TBC1D5: variants seen among roughly 807,000 people sequenced by gnomAD.
The protein encoded by TBC1D5 is TBC1 domain family, member 5.
In TBC1D5, 75 loss-of-function variants were observed where a neutral mutation model predicts 100.3. The observed-to-expected ratio is 0.75, with a 90% CI of 0.62 to 0.91. The LOEUF (loss-of-function observed/expected upper bound fraction) is 0.91, where lower values mean the gene tolerates loss of function less well. TBC1D5 is among the 40% of genes least tolerant of loss of function. The pLI is 0.00. For missense variants in TBC1D5, 910 were observed against 942.4 expected (o/e 0.97, Z 0.45); for synonymous variants, 323 against 325.6 (o/e 0.99, Z 0.09).
At chr3:17,444,016 C>T (rs1413657495) in intron 3 of TBC1D5, among the ~76,000 whole-genome samples, 1 of 152,068 alleles carries the variant, frequency 6.6e-6, no homozygotes, top group Non-Finnish European at 1.5e-5. Flanking sequence ...ATCTAATTAT[C>T]TTCTCATGAG....
chr3:17,307,856 T>G, intron 14 of TBC1D5, 136 bp downstream of exon 14: 1 of 1,080,328 alleles, frequency 9.3e-7, no homozygotes, highest in Non-Finnish European at 1.3e-6. Flanking sequence ...CCTTTGAAAT[T>G]TCAGTATATT....
At chr3:17,394,678 G>A (rs757713718) in intron 8 of TBC1D5, among the ~76,000 whole-genome samples, 1 of 152,042 alleles carries the variant, frequency 6.6e-6, no homozygotes, top group Non-Finnish European at 1.5e-5. Context: ...TTCTTTATTT[G>A]AATCTTGAAC....
At chr3:17,313,869 A>G (rs941455344) in intron 13 of TBC1D5, among the ~76,000 whole-genome samples, 11 of 152,214 alleles carry the variant, frequency 7.2e-5, no homozygotes, top group African/African-American at 2.7e-4. Flanking sequence ...GTACCTATTA[A>G]GAGAGTCAGA....
At chr3:17,425,408 C>T (rs1205649624) in intron 4 of TBC1D5, among the ~76,000 whole-genome samples, 3 of 152,216 alleles carry the variant, frequency 2.0e-5, no homozygotes, top group African/African-American at 7.2e-5. Flanking sequence ...TGGCAGATTT[C>T]TTGAGCCCAG....
At chr3:17,733,760 T>G (rs1401688760) in intron 1 of TBC1D5, among the ~76,000 whole-genome samples, 1 of 151,942 alleles carries the variant, frequency 6.6e-6, no homozygotes, top group African/African-American at 2.4e-5. Flanking sequence ...AAATTAATCA[T>G]GAAAAAACCC....
rs147764725 is a variant in TBC1D5, at chr3:17,213,024, C to A, written c.1752+1183G>T. Among the ~76,000 whole-genome samples, 12 of 152,274 alleles carry A rather than the reference C, an allele frequency of 7.9e-5. No homozygotes were observed. The East Asian group carries it at 2.3e-3, about 29-fold the overall frequency. ...CACATTCACTCACTGCTCACTCACT[C>A]ACTCGCCCAGAGCCACTTCCAGGCT... On this transcript the variant is annotated intron_variant, in intron 18 of 21. Coordinates refer to ENST00000253692, the Ensembl canonical transcript of TBC1D5.
intron 13 of TBC1D5, among the ~76,000 whole-genome samples, chr3:17,317,342 G>A (rs1310672864): frequency 6.6e-6 from 1 of 152,168 alleles, no homozygotes; most frequent in Non-Finnish European, 1.5e-5. Context: ...CTCACAAGAA[G>A]GCAGGGAGAG....
intron 19 of TBC1D5, among the ~76,000 whole-genome samples, chr3:17,172,659 A>G (rs1021952064): frequency 6.6e-6 from 1 of 152,238 alleles, no homozygotes; most frequent in African/African-American, 2.4e-5. Flanking sequence ...AATCTCATTC[A>G]CCTAACAATC....
At chr3:17,580,785 A>C (rs2096689244) in intron 2 of TBC1D5, among the ~76,000 whole-genome samples, 1 of 152,024 alleles carries the variant, frequency 6.6e-6, no homozygotes, top group African/African-American at 2.4e-5. Flanking sequence ...CATTTACATC[A>C]CTTTCAGATA....
chr3:17,679,282 G>T (rs1413126214), intron 1 of TBC1D5, among the ~76,000 whole-genome samples: 1 of 151,346 alleles, frequency 6.6e-6, no homozygotes, highest in East Asian at 1.9e-4. Context: ...AATGGAACAG[G>T]TAAAGAAATG....
At chr3:17,275,333 G>A (rs1211123976) in intron 15 of TBC1D5, among the ~76,000 whole-genome samples, 1 of 152,158 alleles carries the variant, frequency 6.6e-6, no homozygotes, top group East Asian at 1.9e-4. Flanking sequence ...CTTGAGGTCA[G>A]TTTGAGACCT....
In TBC1D5 at chr3:17,161,416, C is replaced by CCA. The variant is rs2066040415; in HGVS notation, c.2095-162_2095-161dup. On this transcript the variant is annotated intron_variant, in intron 21 of 21. Transcript: ENST00000253692. The stretch of plus-strand genomic sequence containing the variant: ...AGTGTTTGGCCTGCTGCCCTGAAGC[C>CCA]CACACGTTTACCAGTGGTGCAGTGC... Among the ~76,000 whole-genome samples, 3 of 152,334 alleles carry CCA rather than the reference C, an allele frequency of 2.0e-5. No homozygotes were observed. In the South Asian group the frequency reaches 6.2e-4, roughly 32 times the overall value.
In TBC1D5 at chr3:17,669,954, C is replaced by T. The variant is rs1470836762; in HGVS notation, c.-100-46041G>A. On this transcript the variant is annotated intron_variant, in intron 1 of 21. Coordinates refer to ENST00000253692, the Ensembl canonical transcript of TBC1D5. Reference sequence around the variant, plus strand: ...AGGCTGGAGTGCAATGGCGCGATCTCGGCTCACTGCAACCTCCGCCTCCCG... The same window carrying T: ...AGGCTGGAGTGCAATGGCGCGATCTTGGCTCACTGCAACCTCCGCCTCCCG... Among the ~76,000 whole-genome samples, 4 of 152,296 alleles carry T rather than the reference C, an allele frequency of 2.6e-5. No individual in the cohort carries two copies. The East Asian group carries it at 7.7e-4, about 29-fold the overall frequency.
chr3:17,397,119 A>G (rs73156374), intron 8 of TBC1D5, among the ~76,000 whole-genome samples: 13,848 of 152,120 alleles, frequency 0.091, 1,423 homozygotes, highest in African/African-American at 0.25. Flanking sequence ...AGTACAGCAC[A>G]TATCTATAAT....
intron 18 of TBC1D5, among the ~76,000 whole-genome samples, chr3:17,198,042 A>G (rs1424991158): frequency 2.0e-5 from 3 of 152,362 alleles, no homozygotes; most frequent in Middle Eastern, 3.4e-3. Flanking sequence ...GTCTCAAGAA[A>G]AAAAGAACAG....
upstream of TBC1D5, chr3:17,742,556 C>T (rs2077567238): frequency 6.5e-6 from 1 of 152,688 alleles, no homozygotes; most frequent in Non-Finnish European, 1.5e-5. Context: ...TCTCTCTCTC[C>T]CTCAGTCTGC....
chr3:17,253,623 C>T (rs1239067756), intron 16 of TBC1D5, among the ~76,000 whole-genome samples: 1 of 152,170 alleles, frequency 6.6e-6, no homozygotes, highest in African/African-American at 2.4e-5. Flanking sequence ...CAAATTCGCT[C>T]ATGTCTCTTT....
intron 1 of TBC1D5, among the ~76,000 whole-genome samples, chr3:17,642,158 C>T (rs752149147): frequency 5.8e-4 from 88 of 152,130 alleles, no homozygotes; most frequent in Non-Finnish European, 1.1e-3. Flanking sequence ...AGTATTTCAA[C>T]TCACAACATC....
At chr3:17,570,741 C>A (rs974004052) in intron 2 of TBC1D5, among the ~76,000 whole-genome samples, 9 of 151,946 alleles carry the variant, frequency 5.9e-5, no homozygotes, top group Non-Finnish European at 1.3e-4. Context: ...CTAGAATCTT[C>A]AATTACATTT....
Sources: gnomAD v4.1 joint callset for allele counts (sites outside exome capture counted in the v4.1 genomes callset) on GRCh38, gnomAD v4.1.1 for gene constraint, MANE v1.5 for transcripts, NCBI Gene and HGNC (gene_info 2026-07-23, HGNC 2026-07-21) for gene names.